ZPBP: variants seen among roughly 807,000 people sequenced by gnomAD.
The protein encoded by ZPBP is zona pellucida-binding protein 1.
ZPBP carries 26 observed loss-of-function variants against 44.8 expected under a neutral mutation model. The ratio of observed to expected loss-of-function variants is 0.58; its 90% CI spans 0.43 to 0.81. ZPBP has a LOEUF of 0.81. Among genes scored for constraint, ZPBP ranks in the 30% least tolerant of loss-of-function variants. ZPBP has a pLI of 0.00. For missense variants in ZPBP, 409 were observed against 434.0 expected (o/e 0.94, Z 0.51); for synonymous variants, 174 against 153.2 (o/e 1.14, Z -1.00).
intron 7 of ZPBP, among the ~76,000 whole-genome samples, chr7:49,968,815 A>C (rs913602123): frequency 1.3e-5 from 2 of 152,028 alleles, no homozygotes; most frequent in African/African-American, 4.8e-5. Flanking sequence ...AATAAATTCC[A>C]ATCAACAACA....
chr7:49,885,854 G>C (rs910955540), intron 2 of ZPBP, among the ~76,000 whole-genome samples: 13 of 152,270 alleles, frequency 8.5e-5, no homozygotes, highest in Non-Finnish European at 1.0e-4. Context: ...GCAGCATTCA[G>C]GGTACACCTG....
At chr7:49,976,536 G>A (rs1237017021) in intron 7 of ZPBP, among the ~76,000 whole-genome samples, 1 of 152,112 alleles carries the variant, frequency 6.6e-6, no homozygotes, top group African/African-American at 2.4e-5. Context: ...TAGAAAGGAA[G>A]GGAGCTATGC....
At chr7:49,961,367 T>C (rs1471398030) in intron 7 of ZPBP, among the ~76,000 whole-genome samples, 2 of 152,148 alleles carry the variant, frequency 1.3e-5, no homozygotes, top group Non-Finnish European at 2.9e-5. Context: ...ACAAGGAATA[T>C]ATATACTACA....
At chr7:50,063,793 T>C (rs1055413983) in intron 3 of ZPBP, among the ~76,000 whole-genome samples, 8 of 152,236 alleles carry the variant, frequency 5.3e-5, no homozygotes, top group Admixed American at 4.6e-4. Flanking sequence ...AAAGCTAATC[T>C]ATTTTGATAT....
At chr7:49,872,864 C>T (rs1701461298) in intron 2 of ZPBP, among the ~76,000 whole-genome samples, 1 of 123,982 alleles carries the variant, frequency 8.1e-6, no homozygotes, top group Non-Finnish European at 1.6e-5. Flanking sequence ...TGCAGTGACC[C>T]GAGATCATGC....
At chr7:50,074,512 G>T in intron 3 of ZPBP, among the ~76,000 whole-genome samples, 1 of 151,868 alleles carries the variant, frequency 6.6e-6, no homozygotes, top group South Asian at 2.1e-4. Context: ...CTGATCTACT[G>T]CCTATAAGAA....
chr7:49,886,759 C>A (rs1419665037), intron 2 of ZPBP, among the ~76,000 whole-genome samples: 1 of 152,118 alleles, frequency 6.6e-6, no homozygotes, highest in African/African-American at 2.4e-5. Flanking sequence ...TTCGATTCAG[C>A]CTTTCTGAAT....
intron 6 of ZPBP, among the ~76,000 whole-genome samples, chr7:50,004,930 G>C (rs1031700668): frequency 7.3e-5 from 11 of 151,556 alleles, no homozygotes; most frequent in African/African-American, 2.4e-4. Flanking sequence ...GACAGAAATG[G>C]CCACAAAAAT....
chr7:49,959,381 T>C (rs1409221835), intron 7 of ZPBP, among the ~76,000 whole-genome samples: 3 of 151,826 alleles, frequency 2.0e-5, no homozygotes, highest in Non-Finnish European at 4.4e-5. Context: ...GAATTAAGCA[T>C]AAGCACAGGA....
At chr7:49,929,730 A>G (rs747357327) in intron 1 of ZPBP, among the ~76,000 whole-genome samples, 4 of 152,250 alleles carry the variant, frequency 2.6e-5, no homozygotes, top group Non-Finnish European at 5.9e-5. Context: ...GTAAACTTCT[A>G]TATATCATCC....
chr7:49,924,853 G>A (rs570847201), intron 1 of ZPBP, among the ~76,000 whole-genome samples: 1 of 152,220 alleles, frequency 6.6e-6, no homozygotes, highest in Non-Finnish European at 1.5e-5. Flanking sequence ...CGACACCCCA[G>A]TCTGTTCCAC....
intron 2 of ZPBP, among the ~76,000 whole-genome samples, chr7:49,874,523 G>T (rs1055552879): frequency 6.6e-6 from 1 of 150,522 alleles, no homozygotes; most frequent in African/African-American, 2.5e-5. Context: ...ATGTATCCTC[G>T]TTGTTACATG....
At chr7:49,999,302 AT>A (rs1797995306) in intron 6 of ZPBP, among the ~76,000 whole-genome samples, 1 of 151,104 alleles carries the variant, frequency 6.6e-6, no homozygotes, top group Non-Finnish European at 1.5e-5. Flanking sequence ...TCATATGTAT[AT>A]AATGTGGTGG....
chr7:49,987,821 C>T (rs939415926), intron 6 of ZPBP, among the ~76,000 whole-genome samples: 1 of 151,292 alleles, frequency 6.6e-6, no homozygotes, highest in African/African-American at 2.4e-5. Context: ...AGGATAAGCA[C>T]TTGGATCAAA....
chr7:49,849,389 T>C (rs1191498490), downstream of ZPBP, among the ~76,000 whole-genome samples: 1 of 152,212 alleles, frequency 6.6e-6, no homozygotes, highest in East Asian at 1.9e-4. Flanking sequence ...TTGCTGTGTG[T>C]CCTGCCACTG....
intron 7 of ZPBP, among the ~76,000 whole-genome samples, chr7:49,949,967 G>T (rs1032684423): frequency 6.6e-6 from 1 of 151,754 alleles, no homozygotes; most frequent in African/African-American, 2.4e-5. Flanking sequence ...AAAATAGTCT[G>T]ATATATTTTA....
intron 5 of ZPBP, among the ~76,000 whole-genome samples, chr7:50,024,787 G>A (rs190968507): frequency 2.6e-5 from 4 of 151,788 alleles, no homozygotes; most frequent in South Asian, 2.1e-4. Context: ...TTAATAATAC[G>A]GTATTATATG....
intron 2 of ZPBP, among the ~76,000 whole-genome samples, chr7:50,082,688 A>G (rs1802427021): frequency 6.6e-6 from 1 of 151,814 alleles, no homozygotes; most frequent in African/African-American, 2.4e-5. Flanking sequence ...ATAAAGCATG[A>G]TGTTTATTGA....
chr7:50,069,688 G>A (rs1043885359), intron 3 of ZPBP, among the ~76,000 whole-genome samples: 1 of 151,982 alleles, frequency 6.6e-6, no homozygotes, highest in Non-Finnish European at 1.5e-5. Flanking sequence ...CTCCAAAAGG[G>A]TTGGTTTTGA....
Sources: gnomAD v4.1 joint callset for allele counts (sites outside exome capture counted in the v4.1 genomes callset) on GRCh38, gnomAD v4.1.1 for gene constraint, MANE v1.5 for transcripts, NCBI Gene and HGNC (gene_info 2026-07-23, HGNC 2026-07-21) for gene names.